The following KLHDC10 variants were observed in gnomAD, a reference collection of about 807,000 sequenced individuals.
KLHDC10 encodes kelch domain containing 10.
A neutral mutation model predicts 56.1 loss-of-function variants in KLHDC10; 24 were observed. That is an observed-to-expected ratio of 0.43 (90% CI 0.31 to 0.60). The LOEUF is 0.60. Ranked by LOEUF, KLHDC10 falls within the 20% of genes least tolerant of loss-of-function variation. KLHDC10 has a pLI of 0.11. For missense variants in KLHDC10, 349 were observed against 567.0 expected, an observed-to-expected ratio of 0.62 and a Z score of 3.91; for synonymous variants, 188 against 207.1, an observed-to-expected ratio of 0.91 and a Z score of 0.79.
chr7:130,086,091 T>C (rs1325863038), intron 1 of KLHDC10, among the ~76,000 whole-genome samples: 1 of 152,150 alleles, frequency 6.6e-6, no homozygotes, highest in African/African-American at 2.4e-5. Flanking sequence ...GGCTTTATTT[T>C]CCCCAAATTA....
At position 130,131,083 on chromosome 7, in the gene KLHDC10, G is replaced by A; in HGVS notation, c.*337G>A. ...TTCCTTTTTAAAGGAATTCTGAATA[G>A]TTCCATGTCATACAATATTCTAGAA... On this transcript the variant is annotated 3_prime_UTR_variant, in exon 10 of 10. Coordinates refer to ENST00000335420, the MANE Select transcript of KLHDC10 (RefSeq NM_014997.4). 5.4e-6 allele frequency: 1 copy of A among 184,272 alleles called. No individual in the cohort carries two copies. The highest frequency in any genetic ancestry group is 1.1e-5 in the Non-Finnish European group (1 of 87,984). 11.4% of individuals were successfully genotyped at this position (184,272 alleles called of 1,614,324 possible).
In KLHDC10 at chr7:130,070,686, G is replaced by A; in HGVS notation, c.43G>A (p.Gly15Arg). 3 of 1,308,220 alleles carry A rather than the reference G, an allele frequency of 2.3e-6. No individual in the cohort carries two copies. Among genetic ancestry groups the A allele is most frequent in the Non-Finnish European group, 2.9e-6 (3 of 1,023,726 alleles). The allele number at this position is 1,308,220 out of a possible 1,614,324, so 81.0% of individuals were successfully genotyped here. Residue 15 changes from glycine to arginine, a missense_variant, in exon 1 of 10, where the codon GGA becomes AGA. Coordinates refer to ENST00000335420, the MANE Select transcript of KLHDC10 (RefSeq NM_014997.4). The part of the protein sequence containing the change: ...QGWDRNRRRG[G>R]GAAGAGGGGS... ...CTGGGACAGGAACCGCCGGAGGGGA[G>A]GAGGCGCCGCCGGCGCTGGTGGCGG...
chr7:130,119,880 T>C (rs574713401), intron 3 of KLHDC10, among the ~76,000 whole-genome samples: 52 of 134,418 alleles, frequency 3.9e-4, no homozygotes, highest in Admixed American at 1.2e-3. Context: ...TGAAATAACA[T>C]AGGAGCACTA....
chr7:130,083,988 C>T (rs1057178832), intron 1 of KLHDC10, among the ~76,000 whole-genome samples: 1 of 152,182 alleles, frequency 6.6e-6, no homozygotes, highest in Admixed American at 6.6e-5. Context: ...CCCCACCCTT[C>T]TCTTTTCAAC....
intron 1 of KLHDC10, among the ~76,000 whole-genome samples, chr7:130,094,217 C>T (rs997058313): frequency 1.3e-5 from 2 of 152,152 alleles, no homozygotes; most frequent in African/African-American, 2.4e-5. Context: ...TGAGCCACCA[C>T]GCCAGGCCCA....
Position 130,070,549 on chromosome 7 carries a change from C to T in KLHDC10, c.-95C>T, listed in dbSNP as rs1056978463. The T allele has an allele frequency of 8.9e-5, 105 of 1,177,084 alleles. No homozygotes were observed. Among genetic ancestry groups the T allele is most frequent in the Non-Finnish European group, 1.1e-4 (101 of 929,320 alleles). The allele number at this position is 1,177,084 out of a possible 1,614,324, so 72.9% of individuals were successfully genotyped here. On this transcript the variant is annotated 5_prime_UTR_variant, in exon 1 of 10. Transcript: ENST00000335420. ...ACCGGGCGCTGCCCCCTTCCCCTGTCTCCTGGGTCTCTGGAGGAGCCCAGG... is the reference window on the plus strand; with the variant it reads ...ACCGGGCGCTGCCCCCTTCCCCTGTTTCCTGGGTCTCTGGAGGAGCCCAGG...
intron 2 of KLHDC10, among the ~76,000 whole-genome samples, chr7:130,114,723 C>G (rs1024710300): frequency 6.6e-6 from 1 of 151,984 alleles, no homozygotes; most frequent in Non-Finnish European, 1.5e-5. Context: ...CATGTATACA[C>G]TAATATATGA....
chr7:130,094,904 C>G (rs1795828339), intron 1 of KLHDC10: 1 of 152,024 alleles, frequency 6.6e-6, no homozygotes, highest in Admixed American at 6.6e-5. Flanking sequence ...GGAATAGATT[C>G]CTAGAAGTGG....
At position 130,070,622 on chromosome 7, in the gene KLHDC10, C is replaced by T; in HGVS notation, c.-22C>T. ...TGGGTCAGGCGCTGACGGGACCGGGCTGCGGCAATCGTTAGCGGGTCATGT... is the reference window on the plus strand; with the variant it reads ...TGGGTCAGGCGCTGACGGGACCGGGTTGCGGCAATCGTTAGCGGGTCATGT... On this transcript the variant is annotated 5_prime_UTR_variant, in exon 1 of 10. Transcript: ENST00000335420. 2 of 1,314,946 alleles carry T rather than the reference C, an allele frequency of 1.5e-6. No individual in the cohort carries two copies. The highest frequency in any genetic ancestry group is 9.7e-7 in the Non-Finnish European group (1 of 1,027,150). 81.5% of individuals were successfully genotyped at this position (1,314,946 alleles called of 1,614,324 possible). A position where few individuals can be genotyped will look rare whatever the true frequency, so the allele number is the denominator to read the frequency against.
rs537360890 is a variant in KLHDC10, at chr7:130,113,731, G to C, written c.254-2714G>C. On this transcript the variant is annotated intron_variant, in intron 2 of 9. Transcript: ENST00000335420. ...CCATGTGAATTGTATTTGTCACAGA[G>C]ATAGTTGGCAATAAACTTATAACAT... 5.3e-5 allele frequency among the ~76,000 whole-genome samples: 8 copies of C among 152,322 alleles called. No homozygotes were observed. The South Asian group carries it at 1.7e-3, about 32-fold the overall frequency.
chr7:130,123,437 T>G (rs1479322175), intron 5 of KLHDC10, among the ~76,000 whole-genome samples: 1 of 148,022 alleles, frequency 6.8e-6, no homozygotes, highest in African/African-American at 2.5e-5. Flanking sequence ...GCCATTGCGC[T>G]CCAGCCTGGG....
Position 130,129,485 on chromosome 7 carries a change from T to A in KLHDC10, c.1028T>A (p.Ile343Asn). 1 of 1,614,172 alleles carries A rather than the reference T, an allele frequency of 6.2e-7. No homozygotes were observed. ...GYNGEVILGD[I>N]WKLNLQTFQW... ...AATGGAGAGGTGATCCTGGGAGATA[T>A]CTGGAAGTTGAATCTGCAGACTTTC... Residue 343 changes from isoleucine (I) to asparagine (N), a missense_variant, in exon 9 of 10, where the codon ATC becomes AAC. By Grantham distance (149) the Ile-to-Asn change is moderately radical. This residue lies in a region of KLHDC10 where 245 missense variants were observed against 470.1 expected (regional missense o/e 0.52). Transcript: ENST00000335420.
chr7:130,108,219 C>T (rs1340462502), intron 2 of KLHDC10, among the ~76,000 whole-genome samples: 1 of 151,520 alleles, frequency 6.6e-6, no homozygotes. Context: ...CAGAGCGAGA[C>T]TTGTCTCAAA....
intron 6 of KLHDC10, 35 bp downstream of exon 6, chr7:130,124,570 A>G: frequency 9.6e-7 from 1 of 1,037,466 alleles, no homozygotes; most frequent in Non-Finnish European, 1.5e-6. Context: ...AGGGAGAGGG[A>G]GAAGGATAGA....
chr7:130,074,437 C>T (rs139050680), intron 1 of KLHDC10, among the ~76,000 whole-genome samples: 345 of 152,008 alleles, frequency 2.3e-3, no homozygotes, highest in African/African-American at 7.4e-3. Context: ...GATGTATGTG[C>T]GTATACATAT....
Position 130,070,598 on chromosome 7 carries a change from GGGTCA to G in KLHDC10, c.-43_-39del. ...GGAAGGAGGCTCCGCTGGTTCCGCT[GGGTCA>G]GGCGCTGACGGGACCGGGCTGCGGC... On this transcript the variant is annotated 5_prime_UTR_variant, in exon 1 of 10. Coordinates refer to ENST00000335420, the MANE Select transcript of KLHDC10 (RefSeq NM_014997.4). 1 of 1,291,712 alleles carries G rather than the reference GGGTCA, an allele frequency of 7.7e-7. No homozygotes were observed. Among genetic ancestry groups the G allele is most frequent in the Non-Finnish European group, 9.8e-7 (1 of 1,015,540 alleles). 80.0% of individuals were successfully genotyped at this position (1,291,712 alleles called of 1,614,324 possible). A position where few individuals can be genotyped will look rare whatever the true frequency, so the allele number is the denominator to read the frequency against.
At position 130,135,604 on chromosome 7, in the gene KLHDC10, G is replaced by C. The variant is rs1444905286; in HGVS notation, c.*4858G>C. Reference sequence around the variant, plus strand: ...TTCCTACAAGCAAGTAGGAAATACAGTGAATTTACCCTAAAATGTCCAATC... The same window carrying C: ...TTCCTACAAGCAAGTAGGAAATACACTGAATTTACCCTAAAATGTCCAATC... On this transcript the variant is annotated 3_prime_UTR_variant, in exon 10 of 10. Coordinates refer to ENST00000335420, the MANE Select transcript of KLHDC10 (RefSeq NM_014997.4). The C allele has an allele frequency of 1.3e-5, 2 of 154,374 alleles. No individual in the cohort carries two copies. Among genetic ancestry groups the C allele is most frequent in the African/African-American group, 2.4e-5 (1 of 41,522 alleles). The allele number at this position is 154,374 out of a possible 1,614,324, so 9.6% of individuals were successfully genotyped here. A position where few individuals can be genotyped will look rare whatever the true frequency, so the allele number is the denominator to read the frequency against.
chr7:130,110,611 G>C (rs1056318036), intron 2 of KLHDC10, among the ~76,000 whole-genome samples: 49 of 152,268 alleles, frequency 3.2e-4, no homozygotes, highest in African/African-American at 1.1e-3. Context: ...GGATATGGGA[G>C]AGCTAACTGG....
chr7:130,074,677 G>T (rs1350086483), intron 1 of KLHDC10, among the ~76,000 whole-genome samples: 1 of 149,990 alleles, frequency 6.7e-6, no homozygotes, highest in Non-Finnish European at 1.5e-5. Context: ...CTAGAGTGCA[G>T]TGGCGCAATG....
Sources: gnomAD v4.1 joint callset for allele counts (sites outside exome capture counted in the v4.1 genomes callset) on GRCh38, gnomAD v4.1.1 for gene constraint, gnomAD v4.1.1 regional missense constraint, MANE v1.5 for transcripts, NCBI Gene and HGNC (gene_info 2026-07-23, HGNC 2026-07-21) for gene names.